SCLT1: variants seen among roughly 807,000 people sequenced by gnomAD.
SCLT1 encodes sodium channel and clathrin linker 1.
In SCLT1, 78 loss-of-function variants were observed where a neutral mutation model predicts 112.8. That is an observed-to-expected ratio of 0.69 (90% CI 0.58 to 0.83). SCLT1 has a LOEUF of 0.83. SCLT1 is among the 40% of genes least tolerant of loss of function. The probability of loss-of-function intolerance (pLI) is 0.00; values close to 1 mark genes in which losing one functional copy is unlikely to be tolerated. For synonymous variants in SCLT1, 257 were observed against 254.7 expected (o/e 1.01, Z -0.09); for missense variants, 747 against 770.4 (o/e 0.97, Z 0.36).
chr4:129,043,578 A>G (rs1272398193), intron 3 of SCLT1, 111 bp from the exon 4 acceptor site: 4 of 582,870 alleles, frequency 6.9e-6, no homozygotes, highest in Middle Eastern at 4.5e-4. Flanking sequence ...TACTCATGCA[A>G]TAAAAACTTT....
intron 5 of SCLT1, among the ~76,000 whole-genome samples, chr4:129,019,758 T>C (rs1401712925): frequency 1.3e-5 from 2 of 152,118 alleles, no homozygotes; most frequent in Non-Finnish European, 2.9e-5. Flanking sequence ...GCCTCCTTGG[T>C]GAAAATAGCC....
intron 2 of SCLT1, among the ~76,000 whole-genome samples, chr4:129,052,600 C>T (rs972717414): frequency 9.3e-5 from 14 of 150,466 alleles, no homozygotes; most frequent in Admixed American, 7.3e-4. Flanking sequence ...TTTATTGTAT[C>T]TATTTGATTC....
At chr4:129,025,952 A>C (rs1746025428) in intron 5 of SCLT1, among the ~76,000 whole-genome samples, 1 of 152,150 alleles carries the variant, frequency 6.6e-6, no homozygotes, top group Admixed American at 6.6e-5. Context: ...AGAGACAAAG[A>C]AGGCCATTAC....
Position 129,003,743 on chromosome 4 carries a change from G to C in SCLT1, c.424C>G (p.Gln142Glu), listed in dbSNP as rs1743739487. The change falls in exon 6 of 21, where the codon CAA becomes GAA. Residue 142 changes from glutamine (Q) to glutamate (E), a missense_variant and splice_region_variant. Gln to Glu is a conservative substitution (Grantham distance 29). Transcript: ENST00000281142. ...TTTTAAAAATACATGTCACTCACTT[G>C]ATTGGCTAGCTGCAATTGTTCTTGA... ...NLQEQLQLANQEKTQAVELWQ... is the reference protein window; with the variant it reads ...NLQEQLQLANEEKTQAVELWQ... The C allele has an allele frequency of 6.3e-7, 1 of 1,598,314 alleles. No homozygotes were observed. The highest frequency in any genetic ancestry group is 1.3e-5 in the African/African-American group (1 of 74,254).
chr4:128,950,056 A>G (rs1738585128), intron 14 of SCLT1, among the ~76,000 whole-genome samples: 1 of 152,160 alleles, frequency 6.6e-6, no homozygotes, highest in South Asian at 2.1e-4. Context: ...CAGTTGACAA[A>G]TTTAAATTTA....
At chr4:128,984,887 T>C (rs1033531810) in intron 9 of SCLT1, among the ~76,000 whole-genome samples, 7 of 152,108 alleles carry the variant, frequency 4.6e-5, no homozygotes, top group African/African-American at 1.7e-4. Flanking sequence ...CATACTAAAA[T>C]GTGATATATC....
intron 6 of SCLT1, among the ~76,000 whole-genome samples, chr4:129,000,654 TA>T (rs1743396394): frequency 6.6e-6 from 1 of 151,970 alleles, no homozygotes; most frequent in Admixed American, 6.6e-5. Context: ...ACTTTTTTTT[TA>T]AGTCTCAGTT....
intron 14 of SCLT1, 42 bp from the exon 15 acceptor site, chr4:128,948,612 C>T: frequency 7.1e-7 from 1 of 1,416,232 alleles, no homozygotes; most frequent in Non-Finnish European, 9.8e-7. Flanking sequence ...CATTTGGTAA[C>T]ATCTTAAGAA....
chr4:128,891,339 C>G (rs189290691), intron 18 of SCLT1, among the ~76,000 whole-genome samples: 1 of 152,086 alleles, frequency 6.6e-6, no homozygotes, highest in Admixed American at 6.5e-5. Flanking sequence ...ATTAGTTGCA[C>G]AACAATGTGT....
At chr4:129,004,929 TAACA>T (rs1249437998) in intron 5 of SCLT1, among the ~76,000 whole-genome samples, 1 of 151,652 alleles carries the variant, frequency 6.6e-6, no homozygotes, top group Non-Finnish European at 1.5e-5. Flanking sequence ...TTTAAATATC[TAACA>T]GTGTTTTTAA....
At chr4:128,925,384 C>G (rs921207461) in intron 18 of SCLT1, among the ~76,000 whole-genome samples, 39 of 151,810 alleles carry the variant, frequency 2.6e-4, no homozygotes, top group African/African-American at 7.5e-4. Flanking sequence ...ACTCTGTCAT[C>G]CAGGCTGGAG....
chr4:128,917,893 A>G lies in SCLT1; in HGVS notation c.1829+18762T>C, dbSNP rs551425276. Reference sequence around the variant, plus strand: ...CTCTCCATCGTTGATCTGGCATCCCAAAAGAGCATCACTTCAAGGTTAAAG... The same window carrying G: ...CTCTCCATCGTTGATCTGGCATCCCGAAAGAGCATCACTTCAAGGTTAAAG... On this transcript the variant is annotated intron_variant, in intron 18 of 20. Coordinates refer to ENST00000281142, the MANE Select transcript of SCLT1 (RefSeq NM_144643.4). Among the ~76,000 whole-genome samples, 7 of 152,274 alleles carry G rather than the reference A, an allele frequency of 4.6e-5. No homozygotes were observed. The South Asian group carries it at 8.3e-4, about 18-fold the overall frequency.
chr4:129,054,383 C>A (rs1215777982), intron 2 of SCLT1, among the ~76,000 whole-genome samples: 1 of 152,134 alleles, frequency 6.6e-6, no homozygotes, highest in Non-Finnish European at 1.5e-5. Flanking sequence ...CTTTCAGGTA[C>A]ACCAATCAAA....
At chr4:129,005,014 T>C (rs1201638860) in intron 5 of SCLT1, among the ~76,000 whole-genome samples, 1 of 151,856 alleles carries the variant, frequency 6.6e-6, no homozygotes, top group South Asian at 2.1e-4. Flanking sequence ...TATAACAAGT[T>C]TTAGAAAAGA....
chr4:128,974,747 T>G (rs897292099), intron 9 of SCLT1, among the ~76,000 whole-genome samples: 5 of 152,080 alleles, frequency 3.3e-5, no homozygotes, highest in Admixed American at 3.3e-4. Context: ...AATAATTATG[T>G]TTATACTATT....
At chr4:128,977,958 T>G (rs750253928) in intron 9 of SCLT1, among the ~76,000 whole-genome samples, 66 of 151,952 alleles carry the variant, frequency 4.3e-4, no homozygotes, top group Non-Finnish European at 6.2e-4. Context: ...CAAGAGATGG[T>G]GGGGTAGAGG....
intron 9 of SCLT1, among the ~76,000 whole-genome samples, chr4:128,985,593 G>A (rs754089017): frequency 1.9e-4 from 29 of 152,208 alleles, no homozygotes; most frequent in Non-Finnish European, 3.7e-4. Flanking sequence ...TACAATACAC[G>A]CATTGTAAAT....
chr4:129,082,473 C>T (rs1752030377), intron 1 of SCLT1, 100 bp from the exon 2 acceptor site: 1 of 547,902 alleles, frequency 1.8e-6, no homozygotes, highest in African/African-American at 1.9e-5. Flanking sequence ...TGCAAAACGG[C>T]TAGTCTTCAC....
intron 14 of SCLT1, among the ~76,000 whole-genome samples, chr4:128,950,637 C>G (rs1163968717): frequency 6.6e-6 from 1 of 151,850 alleles, no homozygotes; most frequent in East Asian, 1.9e-4. Flanking sequence ...TATTAAGAAC[C>G]AACCATATAG....
Sources: allele counts gnomAD v4.1 joint callset (sites outside exome capture counted in the v4.1 genomes callset), GRCh38; gene constraint gnomAD v4.1.1; transcripts MANE v1.5; gene names NCBI Gene and HGNC (gene_info 2026-07-23, HGNC 2026-07-21).